AFG1L: variants seen among roughly 807,000 people sequenced by gnomAD.
AFG1L encodes AFG1-like ATPase.
A neutral mutation model predicts 62.2 loss-of-function variants in AFG1L; 53 were observed. That is an observed-to-expected ratio of 0.85 (90% CI 0.68 to 1.07). AFG1L has a LOEUF of 1.07. Among genes scored for constraint, AFG1L ranks in the 50% least tolerant of loss-of-function variants. The probability of loss-of-function intolerance (pLI) is 0.00; values close to 1 mark genes in which losing one functional copy is unlikely to be tolerated. For synonymous variants in AFG1L, 228 were observed against 210.3 expected (o/e 1.08, Z -0.73); for missense variants, 555 against 590.5 (o/e 0.94, Z 0.62).
intron 2 of AFG1L, among the ~76,000 whole-genome samples, chr6:108,339,370 C>A (rs1313354116): frequency 6.6e-6 from 1 of 151,842 alleles, no homozygotes; most frequent in Non-Finnish European, 1.5e-5. Flanking sequence ...AAACTCTTGG[C>A]CTCGAGTGAT....
chr6:108,362,733 C>G (rs1436863839), intron 5 of AFG1L, among the ~76,000 whole-genome samples: 1 of 152,162 alleles, frequency 6.6e-6, no homozygotes, highest in Non-Finnish European at 1.5e-5. Context: ...CACTAATGCT[C>G]TTGTTTACCA....
intron 7 of AFG1L, among the ~76,000 whole-genome samples, chr6:108,433,656 G>A (rs1386201649): frequency 1.3e-5 from 2 of 152,002 alleles, no homozygotes; most frequent in Non-Finnish European, 2.9e-5. Context: ...GCAGTGGCGC[G>A]ATCTCAGCTC....
chr6:108,398,575 T>A (rs1371295507), intron 6 of AFG1L, among the ~76,000 whole-genome samples: 2 of 152,222 alleles, frequency 1.3e-5, no homozygotes, highest in Non-Finnish European at 2.9e-5. Context: ...CTTACAGTAG[T>A]TTCATAATTT....
In AFG1L at chr6:108,350,637, G is replaced by A. The variant is rs563893513; in HGVS notation, c.415+3598G>A. 7.9e-5 allele frequency among the ~76,000 whole-genome samples: 12 copies of A among 152,266 alleles called. 1 individual carries two copies. Among genetic ancestry groups the A allele is most frequent in the African/African-American group, 2.9e-4 (12 of 41,558 alleles). On this transcript the variant is annotated intron_variant, in intron 3 of 12. Transcript: ENST00000368977. ...AAAAGCTGTGGTAGTAGTATTTTGT[G>A]ACTTCATTCATACCCTACAGCTGGC... is the stretch of plus-strand genomic sequence containing the variant.
chr6:108,448,670 C>T (rs978995598), intron 8 of AFG1L, among the ~76,000 whole-genome samples: 1 of 152,114 alleles, frequency 6.6e-6, no homozygotes, highest in African/African-American at 2.4e-5. Flanking sequence ...CATTTTTTGT[C>T]TCTGACTTAC....
intron 6 of AFG1L, among the ~76,000 whole-genome samples, chr6:108,374,496 C>T (rs1271757924): frequency 6.6e-6 from 1 of 152,128 alleles, no homozygotes; most frequent in Non-Finnish European, 1.5e-5. Context: ...TTTGATTCAT[C>T]TTGAGTTAAT....
At chr6:108,443,060 C>T (rs1771614790) in intron 7 of AFG1L, among the ~76,000 whole-genome samples, 1 of 152,202 alleles carries the variant, frequency 6.6e-6, no homozygotes, top group Admixed American at 6.5e-5. Flanking sequence ...TTATCTCTTG[C>T]TGCATAACAA....
intron 2 of AFG1L, among the ~76,000 whole-genome samples, chr6:108,327,005 G>A (rs1477415134): frequency 6.6e-6 from 1 of 151,938 alleles, no homozygotes; most frequent in Admixed American, 6.6e-5. Flanking sequence ...CTAGCACTTT[G>A]GGAGGCCAGG....
At chr6:108,496,167 A>G (rs1773968252) in intron 10 of AFG1L, among the ~76,000 whole-genome samples, 1 of 152,242 alleles carries the variant, frequency 6.6e-6, no homozygotes, top group South Asian at 2.1e-4. Context: ...ATGCAAAACA[A>G]AAGTATAAAT....
At chr6:108,308,753 G>A (rs950837648) in intron 1 of AFG1L, among the ~76,000 whole-genome samples, 4 of 151,736 alleles carry the variant, frequency 2.6e-5, no homozygotes, top group Non-Finnish European at 5.9e-5. Context: ...ATCCAGGCTG[G>A]AGTACAGTGG....
intron 2 of AFG1L, among the ~76,000 whole-genome samples, chr6:108,325,815 C>T (rs1426407579): frequency 6.6e-6 from 1 of 151,224 alleles, no homozygotes; most frequent in Non-Finnish European, 1.5e-5. Flanking sequence ...GAGTGTTACT[C>T]TGTCTCCCGG....
At chr6:108,307,247 C>T (rs998038486) in intron 1 of AFG1L, among the ~76,000 whole-genome samples, 2 of 151,984 alleles carry the variant, frequency 1.3e-5, no homozygotes, top group Admixed American at 6.5e-5. Context: ...CTCCTGACGT[C>T]GTGATTTGCC....
intron 8 of AFG1L, among the ~76,000 whole-genome samples, chr6:108,450,290 C>T (rs1482340088): frequency 1.1e-4 from 16 of 152,132 alleles, no homozygotes; most frequent in Non-Finnish European, 2.2e-4. Flanking sequence ...TAATGATCGC[C>T]ATTCTAACTG....
intron 7 of AFG1L, among the ~76,000 whole-genome samples, chr6:108,440,443 A>G (rs1337047049): frequency 1.3e-5 from 2 of 152,154 alleles, no homozygotes; most frequent in Non-Finnish European, 2.9e-5. Context: ...TGCTGGGATT[A>G]CAGGCGTGAG....
intron 6 of AFG1L, among the ~76,000 whole-genome samples, chr6:108,388,291 C>T (rs1038358298): frequency 9.2e-5 from 14 of 152,062 alleles, no homozygotes; most frequent in Middle Eastern, 3.4e-3. Context: ...GTCTTGCTAG[C>T]GCTCTATCAA....
chr6:108,504,355 A>G (rs753872233), intron 10 of AFG1L, among the ~76,000 whole-genome samples: 11 of 152,202 alleles, frequency 7.2e-5, no homozygotes, highest in Non-Finnish European at 1.2e-4. Flanking sequence ...ACCTAATTTT[A>G]ATGTTGTTGT....
At chr6:108,332,306 A>G (rs1257331727) in intron 2 of AFG1L, among the ~76,000 whole-genome samples, 2 of 152,188 alleles carry the variant, frequency 1.3e-5, no homozygotes, top group African/African-American at 4.8e-5. Context: ...TTCCATTACT[A>G]TATTGTATTC....
chr6:108,445,641 A>AG (rs1195307587), intron 7 of AFG1L, among the ~76,000 whole-genome samples: 3 of 31,908 alleles, frequency 9.4e-5, no homozygotes, highest in Non-Finnish European at 1.9e-4. Context: ...GGTGAGAGAG[A>AG]GAGAGAGAGA....
intron 7 of AFG1L, among the ~76,000 whole-genome samples, chr6:108,419,531 A>C (rs1562149381): frequency 6.6e-6 from 1 of 152,136 alleles, no homozygotes; most frequent in Non-Finnish European, 1.5e-5. Context: ...CCTAATAAAG[A>C]GTTGCCCATT....
Sources: gnomAD v4.1 joint callset for allele counts (sites outside exome capture counted in the v4.1 genomes callset) on GRCh38, gnomAD v4.1.1 for gene constraint, MANE v1.5 for transcripts, NCBI Gene and HGNC (gene_info 2026-07-23, HGNC 2026-07-21) for gene names.